Variants in GRM1 observed in about 807,000 individuals in gnomAD.
The protein encoded by GRM1 is glutamate metabotropic receptor 1.
In GRM1, 33 loss-of-function variants were observed where a neutral mutation model predicts 90.9. The ratio of observed to expected loss-of-function variants is 0.36; its 90% CI spans 0.28 to 0.49. The LOEUF is 0.49. Ranked by LOEUF, GRM1 falls within the 20% of genes least tolerant of loss-of-function variation. GRM1 has a pLI of 0.99. For missense variants in GRM1, 1,190 were observed against 1,534.3 expected, an observed-to-expected ratio of 0.78 and a Z score of 3.75; for synonymous variants, 700 against 613.2, an observed-to-expected ratio of 1.14 and a Z score of -2.09.
intron 6 of GRM1, among the ~76,000 whole-genome samples, chr6:146,388,545 G>A (rs538876456): frequency 1.3e-5 from 2 of 152,198 alleles, no homozygotes; most frequent in South Asian, 4.1e-4. Context: ...GTTAAACTGA[G>A]CAGCAGAAAG....
chr6:146,159,269 C>A (rs887276397), intron 1 of GRM1, 79 bp from the exon 2 acceptor site: 23 of 1,570,306 alleles, frequency 1.5e-5, no homozygotes, highest in Non-Finnish European at 1.9e-5. Flanking sequence ...ATTCCTGTGA[C>A]TAACAAGTTG....
At chr6:146,282,117 C>A (rs1404317440) in intron 2 of GRM1, among the ~76,000 whole-genome samples, 2 of 151,412 alleles carry the variant, frequency 1.3e-5, no homozygotes, top group Non-Finnish European at 3.0e-5. Context: ...GCACTGGTGC[C>A]TTTGTGTACC....
At chr6:146,433,596 G>T (rs1778489991) in intron 7 of GRM1, among the ~76,000 whole-genome samples, 1 of 151,448 alleles carries the variant, frequency 6.6e-6, no homozygotes, top group Admixed American at 6.6e-5. Context: ...GAGTGCAACG[G>T]AGAAAAAAGA....
chr6:146,278,780 T>C (rs1379556804), intron 2 of GRM1, among the ~76,000 whole-genome samples: 2 of 152,156 alleles, frequency 1.3e-5, no homozygotes, highest in Non-Finnish European at 2.9e-5. Flanking sequence ...TGAGACTCTG[T>C]CTCAAAACAA....
intron 2 of GRM1, among the ~76,000 whole-genome samples, chr6:146,246,007 C>T (rs1434712568): frequency 6.6e-6 from 1 of 152,174 alleles, no homozygotes; most frequent in South Asian, 2.1e-4. Context: ...CTGATGTACA[C>T]TCTTATTCTA....
In GRM1 at chr6:146,260,804, G is replaced by GTTTT. The variant is rs56956724; in HGVS notation, c.951-43777_951-43774dup. Among the ~76,000 whole-genome samples, 20 of 22,738 alleles carry GTTTT rather than the reference G, an allele frequency of 8.8e-4. 3 individuals carry two copies. Among genetic ancestry groups the GTTTT allele is most frequent in the African/African-American group, 1.5e-3 (9 of 5,914 alleles). The allele number at this position is 22,738 out of a possible 152,430, so 14.9% of individuals were successfully genotyped here. On this transcript the variant is annotated intron_variant, in intron 2 of 7. Coordinates refer to ENST00000282753, the MANE Select transcript of GRM1 (RefSeq NM_001278064.2). ...CCCATTTTTTAATTAGGTTATTTGG[G>GTTTT]TTTTTTTTTTTTTTTTTTTTTTTTT...
At chr6:146,297,200 G>A (rs556163455) in intron 2 of GRM1, among the ~76,000 whole-genome samples, 26 of 148,536 alleles carry the variant, frequency 1.8e-4, no homozygotes, top group South Asian at 2.1e-4. Flanking sequence ...TCACTCTTTC[G>A]CTCAGGCTGG....
chr6:146,030,287 A>G, intron 1 of GRM1, 70 bp downstream of exon 1: 1 of 1,069,504 alleles, frequency 9.4e-7, no homozygotes, highest in Non-Finnish European at 1.4e-6. Context: ...TCCTGGGATC[A>G]TAGTATTGTT....
intron 6 of GRM1, among the ~76,000 whole-genome samples, chr6:146,396,255 T>C (rs1480763391): frequency 6.6e-6 from 1 of 152,194 alleles, no homozygotes; most frequent in Non-Finnish European, 1.5e-5. Context: ...AAATCTCTGA[T>C]ACACAAGGAA....
At chr6:146,128,556 A>G (rs776360595) in intron 1 of GRM1, among the ~76,000 whole-genome samples, 1 of 152,168 alleles carries the variant, frequency 6.6e-6, no homozygotes, top group Admixed American at 6.6e-5. Flanking sequence ...AATCCTTCGC[A>G]GCAGTTATTT....
chr6:146,236,998 C>T (rs1300453603), intron 2 of GRM1, among the ~76,000 whole-genome samples: 1 of 152,102 alleles, frequency 6.6e-6, no homozygotes, highest in Non-Finnish European at 1.5e-5. Context: ...GCAAGCTGCT[C>T]AATTTTAGTA....
chr6:146,076,051 C>A (rs1776175728), intron 1 of GRM1, among the ~76,000 whole-genome samples: 2 of 152,188 alleles, frequency 1.3e-5, no homozygotes, highest in African/African-American at 4.8e-5. Context: ...AAAGTTCAAT[C>A]TATAACTATG....
intron 1 of GRM1, among the ~76,000 whole-genome samples, chr6:146,134,660 G>A (rs957143719): frequency 6.6e-6 from 1 of 152,150 alleles, no homozygotes; most frequent in African/African-American, 2.4e-5. Flanking sequence ...ACCGGGTGTG[G>A]TGGCTCACAT....
intron 2 of GRM1, among the ~76,000 whole-genome samples, chr6:146,198,978 C>T (rs922245189): frequency 2.6e-5 from 4 of 152,180 alleles, no homozygotes; most frequent in Non-Finnish European, 2.9e-5. Flanking sequence ...GTAATTTCAG[C>T]TTCCTGGCTT....
intron 3 of GRM1, among the ~76,000 whole-genome samples, chr6:146,309,006 T>TA (rs1409175922): frequency 1.3e-5 from 2 of 152,170 alleles, no homozygotes; most frequent in Non-Finnish European, 2.9e-5. Flanking sequence ...AGTGATATAA[T>TA]AAAAAAATTT....
chr6:146,283,217 G>A (rs1782637984), intron 2 of GRM1, among the ~76,000 whole-genome samples: 1 of 152,192 alleles, frequency 6.6e-6, no homozygotes, highest in African/African-American at 2.4e-5. Flanking sequence ...ATCTGCAGAT[G>A]TGTGAATGAG....
intron 1 of GRM1, among the ~76,000 whole-genome samples, chr6:146,120,253 T>G (rs1439970962): frequency 6.6e-6 from 1 of 152,182 alleles, no homozygotes; most frequent in African/African-American, 2.4e-5. Context: ...GTTATTGGTG[T>G]ATAAGAATGC....
intron 2 of GRM1, among the ~76,000 whole-genome samples, chr6:146,282,763 G>A (rs2114859278): frequency 6.6e-6 from 1 of 152,272 alleles, no homozygotes; most frequent in East Asian, 1.9e-4. Flanking sequence ...AAAAAAGGAT[G>A]TAAAATGTTA....
chr6:146,175,986 C>T (rs902686564), intron 2 of GRM1, among the ~76,000 whole-genome samples: 1 of 152,066 alleles, frequency 6.6e-6, no homozygotes, highest in East Asian at 1.9e-4. Context: ...AATTCACTAA[C>T]TATAGTAACT....
Sources: gnomAD v4.1 joint callset for allele counts (sites outside exome capture counted in the v4.1 genomes callset) on GRCh38, gnomAD v4.1.1 for gene constraint, MANE v1.5 for transcripts, NCBI Gene and HGNC (gene_info 2026-07-23, HGNC 2026-07-21) for gene names.